The following PHACTR1 variants were observed in gnomAD, a reference collection of about 807,000 sequenced individuals.
The protein encoded by PHACTR1 is RPEL repeat containing 1.
A neutral mutation model predicts 69.2 loss-of-function variants in PHACTR1; 16 were observed. The ratio of observed to expected loss-of-function variants is 0.23; its 90% confidence interval spans 0.16 to 0.35. The LOEUF is 0.35. Ranked by LOEUF, PHACTR1 falls within the 10% of genes least tolerant of loss-of-function variation. PHACTR1 has a pLI of 1.00. For synonymous variants in PHACTR1, 312 were observed against 284.5 expected (o/e 1.10, Z -0.97); for missense variants, 510 against 734.7 (o/e 0.69, Z 3.54).
At chr6:13,134,019 C>T (rs1450840834) in intron 5 of PHACTR1, among the ~76,000 whole-genome samples, 4 of 149,944 alleles carry the variant, frequency 2.7e-5, no homozygotes, top group African/African-American at 9.9e-5. Flanking sequence ...TGTCTCTGCC[C>T]GACCACCACC....
intron 4 of PHACTR1, among the ~76,000 whole-genome samples, chr6:13,040,978 T>C (rs1252265125): frequency 1.3e-5 from 2 of 152,106 alleles, no homozygotes; most frequent in Non-Finnish European, 2.9e-5. Flanking sequence ...TATCCAGACA[T>C]TTGGAAGAAA....
At chr6:13,020,233 A>G (rs1412336730) in intron 4 of PHACTR1, among the ~76,000 whole-genome samples, 2 of 152,220 alleles carry the variant, frequency 1.3e-5, no homozygotes, top group Non-Finnish European at 2.9e-5. Flanking sequence ...CAGGGGAAAA[A>G]ATCAGCCAGA....
At chr6:13,018,478 AGAAAGTGCTT>A (rs2127662363) in intron 4 of PHACTR1, among the ~76,000 whole-genome samples, 1 of 152,260 alleles carries the variant, frequency 6.6e-6, no homozygotes, top group South Asian at 2.1e-4. Context: ...GCCTTGCAAG[AGAAAGTGCTT>A]GAGAAATATT....
At chr6:13,068,100 T>C (rs1808938424) in intron 5 of PHACTR1, among the ~76,000 whole-genome samples, 1 of 152,210 alleles carries the variant, frequency 6.6e-6, no homozygotes, top group Non-Finnish European at 1.5e-5. Context: ...GCAGATTACC[T>C]GAGGTCAGGA....
chr6:12,728,594 C>T (rs1432466867), intron 3 of PHACTR1, among the ~76,000 whole-genome samples: 1 of 152,122 alleles, frequency 6.6e-6, no homozygotes, highest in African/African-American at 2.4e-5. Context: ...CTCTCTGCCT[C>T]ACCTTTCCCT....
chr6:12,928,600 C>T (rs1582535706), intron 4 of PHACTR1, among the ~76,000 whole-genome samples: 1 of 134,708 alleles, frequency 7.4e-6, no homozygotes, highest in East Asian at 2.2e-4. Context: ...TCCATCTGTC[C>T]ATCCACCCAC....
chr6:12,943,094 A>G (rs923448360), intron 4 of PHACTR1, among the ~76,000 whole-genome samples: 3 of 152,268 alleles, frequency 2.0e-5, no homozygotes, highest in African/African-American at 7.2e-5. Context: ...TACTCACAAT[A>G]GCCAAAAGGT....
intron 4 of PHACTR1, among the ~76,000 whole-genome samples, chr6:12,881,639 C>T (rs373975894): frequency 1.3e-5 from 2 of 152,078 alleles, no homozygotes; most frequent in Non-Finnish European, 2.9e-5. Context: ...ACTCTTCTTC[C>T]CCCAGGAGAG....
chr6:12,864,721 C>T (rs898251018), intron 4 of PHACTR1, among the ~76,000 whole-genome samples: 1 of 151,402 alleles, frequency 6.6e-6, no homozygotes. Context: ...CACACCCCCA[C>T]AGTCTTAAAT....
At chr6:12,903,540 T>C (rs189538240) in intron 4 of PHACTR1, among the ~76,000 whole-genome samples, 175 of 152,338 alleles carry the variant, frequency 1.1e-3, no homozygotes, top group African/African-American at 4.1e-3. Flanking sequence ...AATGAGCACA[T>C]TGGGTGCAAT....
chr6:13,248,698 A>G (rs564172013), intron 10 of PHACTR1, among the ~76,000 whole-genome samples: 84 of 152,248 alleles, frequency 5.5e-4, no homozygotes, highest in African/African-American at 1.9e-3. Flanking sequence ...GCAATAACTC[A>G]TATTGGGAGA....
At chr6:13,100,194 G>A (rs765807251) in intron 5 of PHACTR1, among the ~76,000 whole-genome samples, 3 of 152,156 alleles carry the variant, frequency 2.0e-5, no homozygotes, top group Non-Finnish European at 2.9e-5. Context: ...GTTAAGTTTA[G>A]TATAAGTTTT....
chr6:13,103,038 G>A (rs372665163), intron 5 of PHACTR1, among the ~76,000 whole-genome samples: 14 of 151,962 alleles, frequency 9.2e-5, no homozygotes, highest in Non-Finnish European at 1.8e-4. Context: ...AGTTTGCCTC[G>A]GCTTGAATTG....
At chr6:13,092,230 C>A (rs528150558) in intron 5 of PHACTR1, among the ~76,000 whole-genome samples, 1 of 152,208 alleles carries the variant, frequency 6.6e-6, no homozygotes, top group Non-Finnish European at 1.5e-5. Context: ...TCCAGCTCTG[C>A]GGCACAGTTC....
chr6:12,954,322 A>C lies in PHACTR1; in HGVS notation c.251-99043A>C, dbSNP rs532085164. The stretch of plus-strand genomic sequence containing the variant: ...ATTTGAAAGGCAGTAGGATGCTATT[A>C]AAAGTTTTAAGCTGAGAAGCTATAT... On this transcript the variant is annotated intron_variant, in intron 4 of 14. Transcript: ENST00000332995. Among the ~76,000 whole-genome samples, 11 of 151,968 alleles carry C rather than the reference A, an allele frequency of 7.2e-5. No individual in the cohort carries two copies. The East Asian group carries it at 1.7e-3, about 24-fold the overall frequency.
chr6:12,985,540 AAAT>A lies in PHACTR1; in HGVS notation c.251-67823_251-67821del, dbSNP rs1314546965. Among the ~76,000 whole-genome samples, 1,040 of 121,222 alleles carry A rather than the reference AAAT, an allele frequency of 8.6e-3. 9 individuals carry two copies. Among genetic ancestry groups the A allele is most frequent in the African/African-American group, 0.032 (947 of 29,354 alleles). The allele number at this position is 121,222 out of a possible 152,430, so 79.5% of individuals were successfully genotyped here. On this transcript the variant is annotated intron_variant, in intron 4 of 14. Transcript: ENST00000332995. Reference sequence around the variant, plus strand: ...AAGTACTACAAATTAAAAAAAAAAAAAATATATATATATATATATATACACAGA... The same window carrying A: ...AAGTACTACAAATTAAAAAAAAAAAAATATATATATATATATATACACAGA...
chr6:12,791,256 A>G (rs1481973509), intron 4 of PHACTR1, among the ~76,000 whole-genome samples: 1 of 152,204 alleles, frequency 6.6e-6, no homozygotes, highest in Non-Finnish European at 1.5e-5. Flanking sequence ...TTTTTGAATG[A>G]GGATATTAAC....
intron 3 of PHACTR1, among the ~76,000 whole-genome samples, chr6:12,727,300 T>C (rs1306961554): frequency 6.6e-6 from 1 of 152,176 alleles, no homozygotes. Flanking sequence ...AACAGATACA[T>C]AGATGACCAT....
intron 8 of PHACTR1, 75 bp downstream of exon 8, chr6:13,206,211 T>C: frequency 7.9e-6 from 11 of 1,387,956 alleles, no homozygotes. Context: ...ATTTGGACCA[T>C]GACTTAGGAA....
Sources: gnomAD v4.1 joint callset for allele counts (sites outside exome capture counted in the v4.1 genomes callset) on GRCh38, gnomAD v4.1.1 for gene constraint, MANE v1.5 for transcripts, NCBI Gene and HGNC (gene_info 2026-07-23, HGNC 2026-07-21) for gene names.